The following KLRF1 variants were observed in gnomAD, a reference collection of about 807,000 sequenced individuals.
The protein encoded by KLRF1 is killer cell lectin like receptor F1, also known as killer cell lectin-like receptor subfamily F member 1.
Under a neutral mutation model 30.7 loss-of-function variants are expected in KLRF1, and 27 were observed. The ratio of observed to expected loss-of-function variants is 0.88; its 90% CI spans 0.65 to 1.21. KLRF1 has a LOEUF of 1.21. Among genes scored for constraint, KLRF1 ranks in the 50% most tolerant of loss-of-function variants. KLRF1 has a pLI of 0.00. For missense variants in KLRF1, 246 were observed against 259.3 expected, an observed-to-expected ratio of 0.95 and a Z score of 0.35; for synonymous variants, 92 against 89.3, an observed-to-expected ratio of 1.03 and a Z score of -0.17.
At chr12:9,830,303 G>A (rs977749710) in intron 1 of KLRF1, among the ~76,000 whole-genome samples, 1 of 151,382 alleles carries the variant, frequency 6.6e-6, no homozygotes, top group Admixed American at 6.6e-5. Context: ...TGGAATTAAC[G>A]GTAGTTTTTC....
At chr12:9,812,103 C>T in the KLRF1 span, among the ~76,000 whole-genome samples, 1 of 152,142 alleles carries the variant, frequency 6.6e-6, no homozygotes, top group Admixed American at 6.5e-5. Context: ...CGGTGGCTCA[C>T]GCCTGTAATC....
the KLRF1 span, among the ~76,000 whole-genome samples, chr12:9,810,792 T>G: frequency 6.6e-6 from 1 of 152,214 alleles, no homozygotes; most frequent in Admixed American, 6.5e-5. Context: ...ATTTTTTTTA[T>G]GAAGTGACTT....
chr12:9,840,653 G>A lies in KLRF1; in HGVS notation c.335-1159G>A, dbSNP rs117894109. Among the ~76,000 whole-genome samples the A allele has an allele frequency of 9.1e-3, 1,386 of 152,092 alleles. 13 individuals are homozygous for A. The highest frequency in any genetic ancestry group is 0.013 in the Non-Finnish European group (911 of 67,976). ...ATTAATTAATATTAAGAGGGAGAAA[G>A]GGATACACATACAAAACTACAAGGA... On this transcript the variant is annotated intron_variant, in intron 3 of 5. Coordinates refer to ENST00000617889, the MANE Select transcript of KLRF1 (RefSeq NM_016523.3).
At chr12:9,843,438 A>T (rs1867747057) in intron 5 of KLRF1, among the ~76,000 whole-genome samples, 1 of 152,188 alleles carries the variant, frequency 6.6e-6, no homozygotes, top group South Asian at 2.1e-4. Context: ...TAATGGTGTT[A>T]TTGTATTATT....
intron 1 of KLRF1, among the ~76,000 whole-genome samples, chr12:9,830,154 CTTTT>C (rs1047373971): frequency 1.4e-4 from 22 of 151,794 alleles, no homozygotes; most frequent in Non-Finnish European, 2.8e-4. Flanking sequence ...GTCTAGTTTT[CTTTT>C]TGTTTGTTTT....
At chr12:9,807,260 G>T in the KLRF1 span, among the ~76,000 whole-genome samples, 1 of 151,902 alleles carries the variant, frequency 6.6e-6, no homozygotes, top group African/African-American at 2.4e-5. Flanking sequence ...ACAGACCAAA[G>T]AATAAATTAT....
the KLRF1 span, among the ~76,000 whole-genome samples, chr12:9,805,117 G>C: frequency 6.6e-6 from 1 of 151,748 alleles, no homozygotes; most frequent in Admixed American, 6.6e-5. Context: ...TCAGTGTGTT[G>C]TTGGCTTCAA....
chr12:9,832,251 A>C (rs2232546), intron 1 of KLRF1, 65 bp from the exon 2 acceptor site: 32,522 of 850,452 alleles, frequency 0.038, 771 homozygotes, highest in Middle Eastern at 0.094. Flanking sequence ...TATTATTACA[A>C]TTGCTATTGT....
chr12:9,833,179 A>G (rs768942080), intron 2 of KLRF1, 124 bp from the exon 3 acceptor site: 29 of 604,730 alleles, frequency 4.8e-5, no homozygotes, highest in Non-Finnish European at 6.8e-5. Context: ...AAATTTTAAA[A>G]AGATCCTAGT....
chr12:9,830,526 T>C (rs2121198133), intron 1 of KLRF1, among the ~76,000 whole-genome samples: 1 of 152,198 alleles, frequency 6.6e-6, no homozygotes, highest in East Asian at 1.9e-4. Context: ...TTGAATAAGA[T>C]GTTAGCTTCA....
chr12:9,811,319 C>CAAAAAAAAAAAAAAAA, the KLRF1 span, among the ~76,000 whole-genome samples: 1 of 62,184 alleles, frequency 1.6e-5, no homozygotes, highest in Non-Finnish European at 3.0e-5. Context: ...AGAAGTAGTC[C>CAAAAAAAAAAAAAAAA]AAAAAAAAAA....
chr12:9,821,237 TGCC>T, the KLRF1 span, among the ~76,000 whole-genome samples: 1 of 152,074 alleles, frequency 6.6e-6, no homozygotes, highest in Non-Finnish European at 1.5e-5. Context: ...GCAATGCAGC[TGCC>T]CCACCCCCAT....
At chr12:9,812,628 A>G in the KLRF1 span, among the ~76,000 whole-genome samples, 1 of 152,166 alleles carries the variant, frequency 6.6e-6, no homozygotes. Context: ...TCATCCTGCT[A>G]TCTATCAGAT....
chr12:9,832,304 T>A lies in KLRF1; in HGVS notation c.86-12T>A. 1 of 1,446,616 alleles carries A rather than the reference T, an allele frequency of 6.9e-7. No individual in the cohort carries two copies. Among genetic ancestry groups the A allele is most frequent in the Non-Finnish European group, 9.7e-7 (1 of 1,030,094 alleles). 89.6% of individuals were successfully genotyped at this position (1,446,616 alleles called of 1,614,324 possible). A position where few individuals can be genotyped will look rare whatever the true frequency, so the allele number is the denominator to read the frequency against. On this transcript the variant is annotated splice_polypyrimidine_tract_variant and intron_variant, in intron 1 of 5. Coordinates refer to ENST00000617889, the MANE Select transcript of KLRF1 (RefSeq NM_016523.3). The stretch of plus-strand genomic sequence containing the variant: ...TACTTTTCTAAACTAATTCATGTGA[T>A]TAATGTCTCAGATTATTCAGTGACG...
upstream of KLRF1, among the ~76,000 whole-genome samples, chr12:9,823,591 G>T (rs1867250426): frequency 6.6e-6 from 1 of 151,988 alleles, no homozygotes; most frequent in Non-Finnish European, 1.5e-5. Context: ...GGAGAAGTAA[G>T]AGCCAACCAA....
Position 9,842,013 on chromosome 12 carries a change from T to C in KLRF1, c.474+62T>C, listed in dbSNP as rs1277911650. ...AGTAAAAAATGGCTTTCCTCAAATA[T>C]CTTTCCATCTTTGCATTAAATCATC... On this transcript the variant is annotated intron_variant, in intron 4 of 5. Transcript: ENST00000617889. 4.8e-6 allele frequency: 7 copies of C among 1,466,234 alleles called. No individual in the cohort carries two copies. The East Asian group carries it at 1.4e-4, about 29-fold the overall frequency. The allele number at this position is 1,466,234 out of a possible 1,614,324, so 90.8% of individuals were successfully genotyped here. A position where few individuals can be genotyped will look rare whatever the true frequency, so the allele number is the denominator to read the frequency against.
intron 3 of KLRF1, among the ~76,000 whole-genome samples, chr12:9,834,038 G>A (rs1485452010): frequency 6.6e-6 from 1 of 151,064 alleles, no homozygotes; most frequent in African/African-American, 2.4e-5. Flanking sequence ...GGTAGGTAAA[G>A]GAAAATTACA....
chr12:9,840,166 A>G (rs1353273750), intron 3 of KLRF1, among the ~76,000 whole-genome samples: 1 of 152,160 alleles, frequency 6.6e-6, no homozygotes, highest in Non-Finnish European at 1.5e-5. Flanking sequence ...CCACAGTGAC[A>G]TAAAGCAGGC....
upstream of KLRF1, among the ~76,000 whole-genome samples, chr12:9,822,516 G>A (rs760134741): frequency 3.9e-5 from 6 of 152,098 alleles, no homozygotes; most frequent in Non-Finnish European, 7.4e-5. Flanking sequence ...ATGTAAAGGC[G>A]CCAAATCTAC....
Sources: allele counts gnomAD v4.1 joint callset (sites outside exome capture counted in the v4.1 genomes callset), GRCh38; gene constraint gnomAD v4.1.1; transcripts MANE v1.5; gene names NCBI Gene and HGNC (gene_info 2026-07-23, HGNC 2026-07-21).